NR6A1: variants seen among roughly 807,000 people sequenced by gnomAD.
NR6A1 encodes the protein nuclear receptor subfamily 6 group A member 1.
In NR6A1, 7 loss-of-function variants were observed where a neutral mutation model predicts 59.1. The ratio of observed to expected loss-of-function variants is 0.12; its 90% CI spans 0.07 to 0.22. NR6A1 has a LOEUF of 0.22. NR6A1 is among the 10% of genes least tolerant of loss of function. The pLI is 1.00. For missense variants in NR6A1, 468 were observed against 611.6 expected (o/e 0.77, Z 2.48); for synonymous variants, 243 against 236.1 (o/e 1.03, Z -0.27).
At chr9:124,612,821 T>TTTC (rs1564201579) in intron 2 of NR6A1, among the ~76,000 whole-genome samples, 1 of 148,320 alleles carries the variant, frequency 6.7e-6, no homozygotes, top group Non-Finnish European at 1.5e-5. Context: ...TTCTTTCTTT[T>TTTC]CTTTCTTTCT....
At chr9:124,598,755 G>C (rs780258875) in intron 2 of NR6A1, 12 of 915,484 alleles carry the variant, frequency 1.3e-5, no homozygotes, top group African/African-American at 1.2e-4. Flanking sequence ...CTCCTTCACC[G>C]AAAGAGCTTC....
chr9:124,524,806 C>G lies in NR6A1; in HGVS notation c.1269G>C (p.Gln423His), dbSNP rs2131317208. Reference protein sequence around the residue: ...QLNKRYWYICQDFTEYKYTHQ... With the variant: ...QLNKRYWYICHDFTEYKYTHQ... ...GTGTGTATTTATATTCAGTAAAATCCTGGCAAATGTACCAGTATCGTTTAT... is the reference window on the plus strand; with the variant it reads ...GTGTGTATTTATATTCAGTAAAATCGTGGCAAATGTACCAGTATCGTTTAT... The change falls in exon 9 of 10, where the codon CAG becomes CAC. Residue 423 changes from glutamine to histidine, a missense_variant. Physicochemically the swap from Gln to His is conservative, Grantham distance 24. Around this residue, in one of 4 missense-constraint regions of NR6A1, gnomAD observed 176 missense variants for 264.0 expected, o/e 0.67. Coordinates refer to ENST00000487099, the MANE Select transcript of NR6A1 (RefSeq NM_033334.4). The G allele has an allele frequency of 6.2e-7, 1 of 1,613,830 alleles. No individual in the cohort carries two copies. The highest frequency in any genetic ancestry group is 1.6e-4 in the Middle Eastern group (1 of 6,062).
intron 2 of NR6A1, among the ~76,000 whole-genome samples, chr9:124,631,299 A>G (rs1326284787): frequency 6.6e-6 from 1 of 152,228 alleles, no homozygotes; most frequent in Non-Finnish European, 1.5e-5. Context: ...CCTGAATTAC[A>G]TAGAATATGG....
At chr9:124,581,758 G>A (rs948581584) in intron 2 of NR6A1, among the ~76,000 whole-genome samples, 11 of 152,228 alleles carry the variant, frequency 7.2e-5, no homozygotes, top group African/African-American at 2.6e-4. Context: ...TTGAAAAAGT[G>A]GGCCGAGGAT....
intron 2 of NR6A1, among the ~76,000 whole-genome samples, chr9:124,675,880 G>T (rs79443378): frequency 0.016 from 2,491 of 152,284 alleles, 76 homozygotes; most frequent in East Asian, 0.15. Context: ...TTCTCCAAGA[G>T]AGGCTAGGAA....
intron 2 of NR6A1, among the ~76,000 whole-genome samples, chr9:124,588,897 G>A (rs996726387): frequency 6.9e-6 from 1 of 145,850 alleles, no homozygotes; most frequent in Admixed American, 6.8e-5. Flanking sequence ...TCCAGACTGG[G>A]CGACAGAACG....
chr9:124,655,943 G>T (rs1388430879), intron 2 of NR6A1, among the ~76,000 whole-genome samples: 1 of 152,184 alleles, frequency 6.6e-6, no homozygotes, highest in Admixed American at 6.5e-5. Flanking sequence ...CAGTTTGGAT[G>T]TAATTTGTTT....
intron 4 of NR6A1, among the ~76,000 whole-genome samples, chr9:124,541,245 C>T (rs1234645393): frequency 1.3e-5 from 2 of 151,996 alleles, no homozygotes; most frequent in African/African-American, 4.8e-5. Flanking sequence ...GGGTCAACAT[C>T]CACAACATAC....
intron 2 of NR6A1, chr9:124,599,640 C>T (rs1232950396): frequency 7.7e-6 from 9 of 1,163,276 alleles, no homozygotes; most frequent in Non-Finnish European, 9.8e-6. Flanking sequence ...CGCGGCCTCT[C>T]GGCGACTACT....
At chr9:124,649,281 A>G (rs535193872) in intron 2 of NR6A1, among the ~76,000 whole-genome samples, 2 of 151,826 alleles carry the variant, frequency 1.3e-5, no homozygotes, top group African/African-American at 2.4e-5. Context: ...GGAACAGAAT[A>G]GAGAACCCAG....
chr9:124,525,209 C>T (rs1832898331), intron 8 of NR6A1, among the ~76,000 whole-genome samples: 1 of 151,550 alleles, frequency 6.6e-6, no homozygotes, highest in African/African-American at 2.4e-5. Context: ...ATTAATCCTT[C>T]ACAATATCTT....
intron 2 of NR6A1, among the ~76,000 whole-genome samples, chr9:124,660,058 G>C (rs577399894): frequency 1.3e-5 from 2 of 152,248 alleles, no homozygotes; most frequent in Middle Eastern, 6.8e-3. Context: ...GTATTTTAAA[G>C]GGTTGTTTTC....
At chr9:124,741,996 A>G (rs924645001) in intron 1 of NR6A1, among the ~76,000 whole-genome samples, 3 of 152,206 alleles carry the variant, frequency 2.0e-5, no homozygotes, top group Non-Finnish European at 2.9e-5. Flanking sequence ...TTTGAGAAAC[A>G]TATTTAGAGG....
chr9:124,598,645 AT>A (rs893874347), intron 2 of NR6A1: 1 of 374,402 alleles, frequency 2.7e-6, no homozygotes. Context: ...GCAGAGTAAA[AT>A]TAAAAAAAAA....
At chr9:124,548,205 A>T (rs537058918) in intron 3 of NR6A1, among the ~76,000 whole-genome samples, 1 of 152,378 alleles carries the variant, frequency 6.6e-6, no homozygotes, top group African/African-American at 2.4e-5. Context: ...CAAAATGTTA[A>T]CAATTGGTGA....
intron 1 of NR6A1, among the ~76,000 whole-genome samples, chr9:124,741,451 G>A (rs1274584085): frequency 1.3e-5 from 2 of 152,206 alleles, no homozygotes; most frequent in Non-Finnish European, 2.9e-5. Flanking sequence ...CAGAGGCCTC[G>A]AAGGTAGAGA....
intron 2 of NR6A1, among the ~76,000 whole-genome samples, chr9:124,629,048 G>A (rs901068946): frequency 2.0e-5 from 3 of 152,214 alleles, no homozygotes; most frequent in Non-Finnish European, 4.4e-5. Flanking sequence ...AGGCCAAAGA[G>A]GCCTCTGCCT....
intron 2 of NR6A1, among the ~76,000 whole-genome samples, chr9:124,633,978 G>C (rs913467377): frequency 6.6e-6 from 1 of 152,188 alleles, no homozygotes; most frequent in Non-Finnish European, 1.5e-5. Context: ...GTACTTTATA[G>C]ATTCAGAATG....
chr9:124,553,549 C>CTTTTTTTTTTTTTTTTTTTTTTTT (rs780925768), intron 3 of NR6A1, among the ~76,000 whole-genome samples: 2 of 47,324 alleles, frequency 4.2e-5, no homozygotes, highest in Admixed American at 3.3e-4. Context: ...TTTAGCTTGA[C>CTTTTTTTTTTTTTTTTTTTTTTTT]TTTTTTTTTT....
Sources: allele counts gnomAD v4.1 joint callset (sites outside exome capture counted in the v4.1 genomes callset), GRCh38; gene constraint gnomAD v4.1.1; regional missense constraint gnomAD v4.1.1; transcripts MANE v1.5; gene names NCBI Gene and HGNC (gene_info 2026-07-23, HGNC 2026-07-21).